The following DYM variants were observed in gnomAD, a reference collection of about 807,000 sequenced individuals.
DYM encodes the protein dyggve-Melchior-Clausen syndrome protein.
Under a neutral mutation model 93.1 loss-of-function variants are expected in DYM, and 78 were observed. The ratio of observed to expected loss-of-function variants is 0.84; its 90% confidence interval spans 0.70 to 1.01. The LOEUF (loss-of-function observed/expected upper bound fraction) is 1.01, where lower values mean the gene tolerates loss of function less well. DYM is among the 50% of genes least tolerant of loss of function. DYM has a pLI of 0.00. For missense variants in DYM, 789 were observed against 845.0 expected, an observed-to-expected ratio of 0.93 and a Z score of 0.82; for synonymous variants, 321 against 319.7, an observed-to-expected ratio of 1.00 and a Z score of -0.04.
chr18:49,375,164 T>C (rs2067374373), intron 5 of DYM, among the ~76,000 whole-genome samples: 1 of 147,828 alleles, frequency 6.8e-6, no homozygotes, highest in African/African-American at 2.5e-5. Context: ...CCTGGGGCTC[T>C]CACAGTTACA....
At chr18:49,242,178 G>T (rs970487913) in intron 13 of DYM, among the ~76,000 whole-genome samples, 1 of 152,190 alleles carries the variant, frequency 6.6e-6, no homozygotes, top group African/African-American at 2.4e-5. Flanking sequence ...TTGGGAGGCC[G>T]AAGCAGGCAG....
chr18:49,111,446 G>A (rs2081382311), intron 16 of DYM, among the ~76,000 whole-genome samples: 1 of 152,138 alleles, frequency 6.6e-6, no homozygotes, highest in African/African-American at 2.4e-5. Context: ...TTGGCTGAAT[G>A]TTAGACATCA....
At chr18:49,090,738 T>C (rs2078975140) in intron 17 of DYM, among the ~76,000 whole-genome samples, 1 of 152,132 alleles carries the variant, frequency 6.6e-6, no homozygotes, top group Non-Finnish European at 1.5e-5. Context: ...AAAAATGAGA[T>C]CACTGGAAAA....
At chr18:49,239,241 GA>G (rs1366748433) in intron 13 of DYM, among the ~76,000 whole-genome samples, 1 of 152,004 alleles carries the variant, frequency 6.6e-6, no homozygotes, top group East Asian at 1.9e-4. Flanking sequence ...TAAATTAAAG[GA>G]AAAAAATGCA....
At chr18:49,299,041 C>T (rs928348907) in intron 8 of DYM, among the ~76,000 whole-genome samples, 1 of 152,170 alleles carries the variant, frequency 6.6e-6, no homozygotes, top group African/African-American at 2.4e-5. Flanking sequence ...GACAACCCTT[C>T]CTTTAAACAA....
At chr18:49,250,878 A>G (rs2094271782) in intron 13 of DYM, among the ~76,000 whole-genome samples, 1 of 152,232 alleles carries the variant, frequency 6.6e-6, no homozygotes, top group Non-Finnish European at 1.5e-5. Context: ...GCAAATGGCA[A>G]TTGAAGACGA....
intron 17 of DYM, among the ~76,000 whole-genome samples, chr18:49,055,667 T>C (rs911853036): frequency 3.3e-5 from 5 of 152,194 alleles, no homozygotes; most frequent in Non-Finnish European, 7.3e-5. Flanking sequence ...TGCCCATTAG[T>C]AGCCCCAGGC....
intron 14 of DYM, among the ~76,000 whole-genome samples, chr18:49,165,444 T>C (rs1459766560): frequency 6.6e-6 from 1 of 152,144 alleles, no homozygotes; most frequent in Non-Finnish European, 1.5e-5. Flanking sequence ...TTCACTGTAG[T>C]ATTTAGTAAT....
At chr18:49,174,249 G>A (rs1284373592) in intron 14 of DYM, among the ~76,000 whole-genome samples, 2 of 152,180 alleles carry the variant, frequency 1.3e-5, no homozygotes, top group Non-Finnish European at 2.9e-5. Context: ...TAAGAATGAT[G>A]GCAGCTAGCA....
At chr18:49,220,781 T>C (rs1182147299) in intron 13 of DYM, among the ~76,000 whole-genome samples, 1 of 152,066 alleles carries the variant, frequency 6.6e-6, no homozygotes, top group Non-Finnish European at 1.5e-5. Context: ...CTTAAACGTT[T>C]GACCTAAAAC....
In DYM at chr18:49,203,869, AGT is replaced by A. The variant is rs1354188530; in HGVS notation, c.1625+5680_1625+5681del. 4.3e-5 allele frequency among the ~76,000 whole-genome samples: 4 copies of A among 93,116 alleles called. No individual in the cohort carries two copies. The South Asian group carries it at 1.4e-3, about 32-fold the overall frequency. The allele number at this position is 93,116 out of a possible 152,430, so 61.1% of individuals were successfully genotyped here. ...ATCAATAAAAAAATAAATTTAAAAA[AGT>A]AAAAAAAAAAAAAAAAAAAAAAAAA... On this transcript the variant is annotated intron_variant, in intron 14 of 17. Transcript: ENST00000675505.
At chr18:49,446,798 C>A (rs1010422023) in intron 1 of DYM, among the ~76,000 whole-genome samples, 3 of 152,204 alleles carry the variant, frequency 2.0e-5, no homozygotes, top group Non-Finnish European at 4.4e-5. Flanking sequence ...GTGGCTCACG[C>A]CTGTAATCCC....
At chr18:49,052,078 T>C (rs1455001806) in intron 17 of DYM, among the ~76,000 whole-genome samples, 1 of 152,240 alleles carries the variant, frequency 6.6e-6, no homozygotes, top group Non-Finnish European at 1.5e-5. Context: ...GTTTGTTATT[T>C]ATGCATGTTC....
At chr18:49,416,384 T>C (rs1354546239) in intron 2 of DYM, among the ~76,000 whole-genome samples, 2 of 152,212 alleles carry the variant, frequency 1.3e-5, no homozygotes, top group African/African-American at 4.8e-5. Flanking sequence ...CCTGCCATGC[T>C]ACATGGTCTC....
At chr18:49,411,705 A>G (rs556308879) in intron 2 of DYM, among the ~76,000 whole-genome samples, 12 of 152,324 alleles carry the variant, frequency 7.9e-5, no homozygotes, top group African/African-American at 2.6e-4. Context: ...AAACACTGAA[A>G]ATCCTTAGTC....
intron 3 of DYM, among the ~76,000 whole-genome samples, chr18:49,380,413 T>C (rs2067936536): frequency 1.3e-5 from 2 of 152,324 alleles, no homozygotes; most frequent in African/African-American, 4.8e-5. Flanking sequence ...TTCTCATCTG[T>C]AAAAGAAACA....
intron 16 of DYM, chr18:49,114,481 C>T (rs2081741584): frequency 1.1e-6 from 1 of 879,974 alleles, no homozygotes; most frequent in South Asian, 5.2e-5. Context: ...GCTTTTACTT[C>T]TATATGGTTC....
intron 6 of DYM, among the ~76,000 whole-genome samples, chr18:49,358,280 T>C (rs112498439): frequency 0.011 from 1,664 of 152,268 alleles, 29 homozygotes; most frequent in African/African-American, 0.038. Context: ...AAACAAAACC[T>C]GAAGCAGATG....
chr18:49,315,214 TAAAA>T (rs201223596), intron 8 of DYM, among the ~76,000 whole-genome samples: 2 of 146,046 alleles, frequency 1.4e-5, no homozygotes. Flanking sequence ...GACCCTGTGT[TAAAA>T]AAAAAAAAAG....
Sources: gnomAD v4.1 joint callset for allele counts (sites outside exome capture counted in the v4.1 genomes callset) on GRCh38, gnomAD v4.1.1 for gene constraint, MANE v1.5 for transcripts, NCBI Gene and HGNC (gene_info 2026-07-23, HGNC 2026-07-21) for gene names.